SNX16: variants seen among roughly 807,000 people sequenced by gnomAD.
SNX16 encodes the protein sorting nexin-16.
A neutral mutation model predicts 36.7 loss-of-function variants in SNX16; 35 were observed. The ratio of observed to expected loss-of-function variants is 0.95; its 90% CI spans 0.73 to 1.27. SNX16 has a LOEUF of 1.27. Among genes scored for constraint, SNX16 ranks in the 50% most tolerant of loss-of-function variants. The probability of loss-of-function intolerance (pLI) is 0.00; values close to 1 mark genes in which losing one functional copy is unlikely to be tolerated. For missense variants in SNX16, 367 were observed against 393.6 expected, an observed-to-expected ratio of 0.93 and a Z score of 0.57; for synonymous variants, 134 against 132.0, an observed-to-expected ratio of 1.02 and a Z score of -0.10.
chr8:81,839,976 GGA>G lies in SNX16; in HGVS notation c.9_10del (p.Pro4LeufsTer37). The G allele has an allele frequency of 6.2e-7, 1 of 1,601,554 alleles. No homozygotes were observed. Among genetic ancestry groups the G allele is most frequent in the Non-Finnish European group, 8.5e-7 (1 of 1,174,368 alleles). On this transcript the variant is annotated frameshift_variant, in exon 2 of 8. Coordinates refer to ENST00000345957, the MANE Select transcript of SNX16 (RefSeq NM_152836.3). LOFTEE classifies it high-confidence loss of function. ...TATGGGCATAGGAACTGGGACATAA[GGA>G]GTTGCCATCTTCTTTTGGCTTTTCC...
intron 2 of SNX16, among the ~76,000 whole-genome samples, chr8:81,838,853 A>G (rs1421040524): frequency 6.6e-6 from 1 of 152,130 alleles, no homozygotes; most frequent in Non-Finnish European, 1.5e-5. Flanking sequence ...GATAGTCATA[A>G]TACATGTATC....
intron 4 of SNX16, among the ~76,000 whole-genome samples, chr8:81,816,098 G>A (rs1044186696): frequency 1.3e-5 from 2 of 151,612 alleles, no homozygotes; most frequent in Non-Finnish European, 2.9e-5. Flanking sequence ...ACAACTCTAT[G>A]TACACATCAA....
Position 81,823,940 on chromosome 8 carries a change from A to G in SNX16, c.463T>C (p.Leu155=), listed in dbSNP as rs1810892602. ...CGAAAACCTGGAAACATCTCTTTTA[A>G]CTGAAAAAGAAGAAAAGAGCAAATA... The part of the protein sequence containing the change: ...YTDFSRLNDK[L]KEMFPGFRLA... Residue 155 remains leucine (L), a splice_region_variant and synonymous_variant, in exon 4 of 8, where the codon TTA becomes CTA. Coordinates refer to ENST00000345957, the MANE Select transcript of SNX16 (RefSeq NM_152836.3). 1.9e-6 allele frequency: 3 copies of G among 1,605,758 alleles called. No homozygotes were observed. The highest frequency in any genetic ancestry group is 2.5e-6 in the Non-Finnish European group (3 of 1,177,448).
At chr8:81,827,813 C>A (rs12546081) in intron 3 of SNX16, among the ~76,000 whole-genome samples, 37,699 of 151,912 alleles carry the variant, frequency 0.25, 5,225 homozygotes, top group East Asian at 0.37. Flanking sequence ...GAGGAAAGGA[C>A]AAGTCACAAA....
chr8:81,822,755 CG>C (rs1810804707), intron 4 of SNX16, among the ~76,000 whole-genome samples: 2 of 151,466 alleles, frequency 1.3e-5, no homozygotes, highest in African/African-American at 4.9e-5. Flanking sequence ...TTAGGTTTGA[CG>C]TAATTTTGAG....
intron 6 of SNX16, 43 bp downstream of exon 6, chr8:81,803,049 G>T: frequency 6.5e-7 from 1 of 1,533,480 alleles, no homozygotes; most frequent in African/African-American, 1.4e-5. Context: ...AGAGTATTAA[G>T]GGTTGAATTA....
intron 2 of SNX16, among the ~76,000 whole-genome samples, chr8:81,839,067 C>A (rs942951993): frequency 6.6e-6 from 1 of 152,074 alleles, no homozygotes; most frequent in African/African-American, 2.4e-5. Flanking sequence ...CCCATGAGAA[C>A]AGCTGAAATG....
At chr8:81,808,578 T>C (rs1810078979) in intron 5 of SNX16, 1 of 986,454 alleles carries the variant, frequency 1.0e-6, no homozygotes, top group Admixed American at 1.7e-5. Context: ...CAACAATCAG[T>C]CTTCAAATTT....
chr8:81,819,157 T>C (rs1002873290), intron 4 of SNX16, among the ~76,000 whole-genome samples: 7 of 152,082 alleles, frequency 4.6e-5, no homozygotes, highest in African/African-American at 1.7e-4. Flanking sequence ...TACATAACTT[T>C]AACTTTTGAA....
At chr8:81,819,699 T>A (rs1810646793) in intron 4 of SNX16, among the ~76,000 whole-genome samples, 2 of 152,000 alleles carry the variant, frequency 1.3e-5, no homozygotes. Flanking sequence ...AATAAATATT[T>A]ATTGAACAGA....
chr8:81,810,541 G>A (rs923173359), intron 5 of SNX16, among the ~76,000 whole-genome samples: 1 of 152,130 alleles, frequency 6.6e-6, no homozygotes, highest in African/African-American at 2.4e-5. Context: ...TTCATTCACT[G>A]TTCAAATAAA....
At chr8:81,812,835 A>G (rs1009192102) in intron 5 of SNX16, among the ~76,000 whole-genome samples, 7 of 152,094 alleles carry the variant, frequency 4.6e-5, no homozygotes, top group African/African-American at 1.7e-4. Flanking sequence ...TGTTAGGTTT[A>G]TAAGATATAT....
rs1489923477 is a variant in SNX16, at chr8:81,799,884, GAAT to G, written c.*1610_*1612del. The G allele has an allele frequency of 6.6e-5, 10 of 151,748 alleles. No individual in the cohort carries two copies. Among genetic ancestry groups the G allele is most frequent in the African/African-American group, 2.4e-4 (10 of 41,364 alleles). 9.4% of individuals were successfully genotyped at this position (151,748 alleles called of 1,614,324 possible). On this transcript the variant is annotated 3_prime_UTR_variant, in exon 8 of 8. Transcript: ENST00000345957. Reference sequence around the variant, plus strand: ...TCTTTTTAAGCCTTTTGTAAGTCTAGAATAATAATTTTAATAAATAAGCAGATC... The same window carrying G: ...TCTTTTTAAGCCTTTTGTAAGTCTAGAATAATTTTAATAAATAAGCAGATC...
intron 5 of SNX16, among the ~76,000 whole-genome samples, chr8:81,812,574 C>T (rs1176510560): frequency 6.6e-6 from 1 of 151,898 alleles, no homozygotes; most frequent in African/African-American, 2.4e-5. Context: ...CAAAAATGAC[C>T]ATTTCCAGCT....
chr8:81,826,206 G>A (rs1173424318), intron 3 of SNX16, among the ~76,000 whole-genome samples: 1 of 152,076 alleles, frequency 6.6e-6, no homozygotes, highest in Non-Finnish European at 1.5e-5. Context: ...CTCATATGGA[G>A]GGCAGATCAG....
At position 81,801,521 on chromosome 8, in the gene SNX16, C is replaced by T; in HGVS notation, c.1011G>A (p.Val337=). The T allele has an allele frequency of 6.3e-7, 1 of 1,594,114 alleles. No homozygotes were observed. The highest frequency in any genetic ancestry group is 1.4e-5 in the African/African-American group (1 of 73,696). ...ATTAGTCTTCTTCAGCATCATATGC[C>T]ACTTCTGCTACTTCTATCTCTGATA... ...NAVSEIEVAE[V]AYDAEED is the part of the protein sequence containing the mutation. The change falls in exon 8 of 8, where the codon GTG becomes GTA. Residue 337 remains valine, a synonymous_variant. Coordinates refer to ENST00000345957, the MANE Select transcript of SNX16 (RefSeq NM_152836.3).
chr8:81,805,079 CT>C (rs1166003555), intron 5 of SNX16, among the ~76,000 whole-genome samples: 1 of 151,958 alleles, frequency 6.6e-6, no homozygotes, highest in Admixed American at 6.6e-5. Flanking sequence ...AATACATATT[CT>C]TTTCAAGCAC....
intron 2 of SNX16, among the ~76,000 whole-genome samples, chr8:81,830,591 A>AAAAC (rs1405118545): frequency 6.6e-6 from 1 of 151,372 alleles, no homozygotes; most frequent in Non-Finnish European, 1.5e-5. Flanking sequence ...AAAAAAAAAA[A>AAAAC]AAAAAAAAAA....
At position 81,815,620 on chromosome 8, in the gene SNX16, A is replaced by G. The variant is rs1256791869; in HGVS notation, c.612-226T>C. 1.3e-5 allele frequency: 5 copies of G among 380,156 alleles called. No individual in the cohort carries two copies. The East Asian group carries it at 2.4e-4, about 18-fold the overall frequency. 23.5% of individuals were successfully genotyped at this position (380,156 alleles called of 1,614,324 possible). A position where few individuals can be genotyped will look rare whatever the true frequency, so the allele number is the denominator to read the frequency against. On this transcript the variant is annotated intron_variant, in intron 4 of 7. Transcript: ENST00000345957. ...ACAAATTTATTGTTACATACAAACT[A>G]TGGGGCATAAAACATACTTCACAAT... is the stretch of plus-strand genomic sequence containing the variant.
Sources: allele counts gnomAD v4.1 joint callset (sites outside exome capture counted in the v4.1 genomes callset), GRCh38; gene constraint gnomAD v4.1.1; transcripts MANE v1.5; gene names NCBI Gene and HGNC (gene_info 2026-07-23, HGNC 2026-07-21).